GDPD4: variants seen among roughly 807,000 people sequenced by gnomAD.
GDPD4 encodes glycerophosphodiester phosphodiesterase domain containing 4.
GDPD4 carries 60 observed loss-of-function variants against 67.8 expected under a neutral mutation model. The ratio of observed to expected loss-of-function variants is 0.88; its 90% CI spans 0.72 to 1.10. The LOEUF (loss-of-function observed/expected upper bound fraction) is 1.10. GDPD4 is among the 50% of genes least tolerant of loss of function. The probability of loss-of-function intolerance (pLI) is 0.00; values close to 1 mark genes in which losing one functional copy is unlikely to be tolerated. For missense variants in GDPD4, 623 were observed against 613.9 expected, an observed-to-expected ratio of 1.01 and a Z score of -0.16; for synonymous variants, 212 against 210.9, an observed-to-expected ratio of 1.00 and a Z score of -0.04.
chr11:77,224,919 T>A (rs564028961), intron 16 of GDPD4, among the ~76,000 whole-genome samples: 1 of 150,758 alleles, frequency 6.6e-6, no homozygotes, highest in Non-Finnish European at 1.5e-5. Flanking sequence ...CTGGGCAACA[T>A]AGTGAGATGC....
At chr11:77,280,438 A>T (rs1185029042) in intron 3 of GDPD4, among the ~76,000 whole-genome samples, 1 of 150,758 alleles carries the variant, frequency 6.6e-6, no homozygotes, top group East Asian at 1.9e-4. Flanking sequence ...AAAAAAAAAC[A>T]TGAAATCTGG....
At chr11:77,238,703 A>G (rs1958609887) in intron 13 of GDPD4, among the ~76,000 whole-genome samples, 1 of 152,224 alleles carries the variant, frequency 6.6e-6, no homozygotes, top group Non-Finnish European at 1.5e-5. Flanking sequence ...AGTAATACAA[A>G]GTCTACCGAC....
chr11:77,278,143 G>A (rs1306526149), intron 4 of GDPD4, among the ~76,000 whole-genome samples: 1 of 152,080 alleles, frequency 6.6e-6, no homozygotes, highest in African/African-American at 2.4e-5. Context: ...GCTGAGGAGT[G>A]CTTTACTTCT....
intron 4 of GDPD4, among the ~76,000 whole-genome samples, chr11:77,277,980 C>T (rs1035120324): frequency 6.6e-6 from 1 of 151,888 alleles, no homozygotes; most frequent in Non-Finnish European, 1.5e-5. Flanking sequence ...TTTCTGCCTT[C>T]ATTTCGTTAT....
Position 77,216,851 on chromosome 11 carries a change from A to G in GDPD4, c.*426T>C, listed in dbSNP as rs1352801633. On this transcript the variant is annotated 3_prime_UTR_variant, in exon 17 of 17. Coordinates refer to ENST00000315938, the MANE Select transcript of GDPD4 (RefSeq NM_182833.3). ...GGCTAATTCTTCTTTGGAAACACAG[A>G]AGGCTATGTCAGATGCAATGGAATA... 2 of 635,944 alleles carry G rather than the reference A, an allele frequency of 3.1e-6. No homozygotes were observed. Among genetic ancestry groups the G allele is most frequent in the African/African-American group, 3.6e-5 (2 of 54,878 alleles). 39.4% of individuals were successfully genotyped at this position (635,944 alleles called of 1,614,324 possible).
chr11:77,233,275 AC>A, intron 13 of GDPD4, 103 bp from the exon 14 acceptor site: 1 of 1,081,032 alleles, frequency 9.3e-7, no homozygotes, highest in African/African-American at 1.6e-5. Flanking sequence ...TGCCTAAATC[AC>A]CAGAAGCAGC....
intron 11 of GDPD4, among the ~76,000 whole-genome samples, chr11:77,258,079 G>C (rs1959038946): frequency 2.0e-5 from 3 of 152,118 alleles, no homozygotes; most frequent in African/African-American, 7.2e-5. Context: ...CCTCATCTAG[G>C]AAAATGTTAT....
chr11:77,225,491 A>G (rs917185781), intron 16 of GDPD4, among the ~76,000 whole-genome samples: 1 of 152,150 alleles, frequency 6.6e-6, no homozygotes. Context: ...CCTAATCAAG[A>G]TAGTCTCTCT....
intron 1 of GDPD4, among the ~76,000 whole-genome samples, chr11:77,288,955 A>G (rs1238488040): frequency 6.6e-6 from 1 of 151,710 alleles, no homozygotes; most frequent in East Asian, 1.9e-4. Context: ...CAATAAGGAG[A>G]TATTAGTTCA....
chr11:77,268,540 C>A lies in GDPD4; in HGVS notation c.625-1G>T, dbSNP rs1959189846. 1 of 1,609,980 alleles carries A rather than the reference C, an allele frequency of 6.2e-7. No individual in the cohort carries two copies. Among genetic ancestry groups the A allele is most frequent in the South Asian group, 1.1e-5 (1 of 90,998 alleles). On this transcript the variant is annotated splice_acceptor_variant, in intron 9 of 16. Coordinates refer to ENST00000315938, the MANE Select transcript of GDPD4 (RefSeq NM_182833.3). LOFTEE classifies it high-confidence loss of function. Reference sequence around the variant, plus strand: ...ACATCATGGTATTCTCAGGCCCCAACTGTAGAAGAAAAGGACATCAGGCCC... The same window carrying A: ...ACATCATGGTATTCTCAGGCCCCAAATGTAGAAGAAAAGGACATCAGGCCC...
intron 1 of GDPD4, among the ~76,000 whole-genome samples, chr11:77,295,543 G>T (rs1937925112): frequency 6.6e-6 from 1 of 151,880 alleles, no homozygotes; most frequent in Admixed American, 6.6e-5. Context: ...GAGGCAAGAG[G>T]ATCACTTGAG....
At chr11:77,222,712 G>A (rs1304004546) in intron 16 of GDPD4, among the ~76,000 whole-genome samples, 2 of 151,956 alleles carry the variant, frequency 1.3e-5, no homozygotes, top group African/African-American at 4.8e-5. Context: ...ATGTGTCCTG[G>A]GGTTGCTCTT....
At position 77,282,489 on chromosome 11, in the gene GDPD4, C is replaced by T. The variant is rs1959802468; in HGVS notation, c.53+2596G>A. ...GGCAACATGGCGAAACCTGTCTCCACAAAAAAATATAAAAATTAGCTAGGT... is the reference window on the plus strand; with the variant it reads ...GGCAACATGGCGAAACCTGTCTCCATAAAAAAATATAAAAATTAGCTAGGT... On this transcript the variant is annotated intron_variant, in intron 3 of 16. Transcript: ENST00000315938. 3.3e-5 allele frequency among the ~76,000 whole-genome samples: 5 copies of T among 150,744 alleles called. 1 individual carries two copies. The South Asian group carries it at 8.4e-4, about 25-fold the overall frequency.
chr11:77,272,084 T>G (rs1279207938), intron 5 of GDPD4, among the ~76,000 whole-genome samples: 1 of 152,194 alleles, frequency 6.6e-6, no homozygotes, highest in Non-Finnish European at 1.5e-5. Context: ...AGTACTTAGC[T>G]CTCCTTTCCA....
chr11:77,300,926 A>G (rs1663421750), intron 1 of GDPD4, among the ~76,000 whole-genome samples: 1 of 152,206 alleles, frequency 6.6e-6, no homozygotes, highest in African/African-American at 2.4e-5. Context: ...GTCCAAGGGC[A>G]GACGTTATGA....
chr11:77,239,321 C>G (rs974907953), intron 13 of GDPD4, among the ~76,000 whole-genome samples: 1 of 152,116 alleles, frequency 6.6e-6, no homozygotes, highest in African/African-American at 2.4e-5. Flanking sequence ...TTCTTTTTGA[C>G]ATAGTACTGT....
intron 1 of GDPD4, among the ~76,000 whole-genome samples, chr11:77,295,351 G>A (rs1937919084): frequency 6.6e-6 from 1 of 151,752 alleles, no homozygotes; most frequent in African/African-American, 2.4e-5. Flanking sequence ...TCTAAAGCTG[G>A]CCAGGTGTGG....
intron 11 of GDPD4, among the ~76,000 whole-genome samples, chr11:77,255,081 C>T (rs760384603): frequency 6.6e-6 from 1 of 152,172 alleles, no homozygotes; most frequent in Non-Finnish European, 1.5e-5. Flanking sequence ...TCAGGATGCT[C>T]TTCAGTAGCC....
At position 77,245,506 on chromosome 11, in the gene GDPD4, G is replaced by C. The variant is rs1174279828; in HGVS notation, c.865-4C>G. On this transcript the variant is annotated splice_region_variant and splice_polypyrimidine_tract_variant and intron_variant, in intron 11 of 16. Coordinates refer to ENST00000315938, the MANE Select transcript of GDPD4 (RefSeq NM_182833.3). ...TCATATTGTAAAATGGCCTGAGCTA[G>C]AAACAAATACATCAAAAAATACATA... The C allele has an allele frequency of 1.2e-6, 2 of 1,603,788 alleles. No homozygotes were observed. Among genetic ancestry groups the C allele is most frequent in the South Asian group, 2.2e-5 (2 of 90,690 alleles).
Sources: allele counts gnomAD v4.1 joint callset (sites outside exome capture counted in the v4.1 genomes callset), GRCh38; gene constraint gnomAD v4.1.1; transcripts MANE v1.5; gene names NCBI Gene and HGNC (gene_info 2026-07-23, HGNC 2026-07-21).